SUPV3L1: variants seen among roughly 807,000 people sequenced by gnomAD.
SUPV3L1 encodes the protein ATP-dependent RNA helicase SUPV3L1, mitochondrial.
Under a neutral mutation model 70.0 loss-of-function variants are expected in SUPV3L1, and 35 were observed. That is an observed-to-expected ratio of 0.50 (90% CI 0.38 to 0.66). The LOEUF (loss-of-function observed/expected upper bound fraction) is 0.66, where lower values mean the gene tolerates loss of function less well. Ranked by LOEUF, SUPV3L1 falls within the 30% of genes least tolerant of loss-of-function variation. The pLI is 0.00. For missense variants in SUPV3L1, 777 were observed against 961.5 expected (o/e 0.81, Z 2.54); for synonymous variants, 364 against 341.9 (o/e 1.06, Z -0.71).
intron 1 of SUPV3L1, among the ~76,000 whole-genome samples, chr10:69,183,007 C>T (rs1361585858): frequency 6.6e-6 from 1 of 152,164 alleles, no homozygotes; most frequent in African/African-American, 2.4e-5. Context: ...CTCTCCTTCA[C>T]CCTGGACCTA....
At chr10:69,188,973 T>G (rs929748297) in intron 4 of SUPV3L1, among the ~76,000 whole-genome samples, 1 of 152,228 alleles carries the variant, frequency 6.6e-6, no homozygotes, top group African/African-American at 2.4e-5. Flanking sequence ...ATGGAACTGA[T>G]AGCAGCTTAA....
intron 8 of SUPV3L1, among the ~76,000 whole-genome samples, chr10:69,197,700 G>A (rs947227901): frequency 6.6e-6 from 1 of 152,048 alleles, no homozygotes; most frequent in African/African-American, 2.4e-5. Flanking sequence ...CTCCCAAATA[G>A]CTGGGACTAC....
Position 69,198,398 on chromosome 10 carries a change from C to T in SUPV3L1, c.1050C>T (p.Pro350=). ...VEVRDYKRLT[P]ISVLDHALES... ...TTCGAGACTATAAGAGGCTTACCCC[C>T]ATTTCTGTGCTGGACCATGCACTAG... Residue 350 remains proline, a synonymous_variant, in exon 9 of 15, where the codon CCC becomes CCT. Transcript: ENST00000359655. The T allele has an allele frequency of 1.9e-6, 3 of 1,612,206 alleles. No individual in the cohort carries two copies. Among genetic ancestry groups the T allele is most frequent in the Non-Finnish European group, 2.5e-6 (3 of 1,179,500 alleles).
chr10:69,195,456 C>T lies in SUPV3L1; in HGVS notation c.931+191C>T, dbSNP rs577269067. On this transcript the variant is annotated intron_variant, in intron 7 of 14. Coordinates refer to ENST00000359655, the MANE Select transcript of SUPV3L1 (RefSeq NM_003171.5). ...AATGGGAAATCTATTTTTTCCTGTG[C>T]TAAAACTAGCATAACCATGTAATTA... 8 of 406,326 alleles carry T rather than the reference C, an allele frequency of 2.0e-5. No individual in the cohort carries two copies. The South Asian group carries it at 6.2e-4, about 31-fold the overall frequency. 25.2% of individuals were successfully genotyped at this position (406,326 alleles called of 1,614,324 possible). A position where few individuals can be genotyped will look rare whatever the true frequency, so the allele number is the denominator to read the frequency against.
chr10:69,194,050 G>A (rs758457472), intron 6 of SUPV3L1, among the ~76,000 whole-genome samples: 9 of 152,148 alleles, frequency 5.9e-5, no homozygotes, highest in Non-Finnish European at 1.2e-4. Flanking sequence ...AGTAAATGAA[G>A]GGCTGTCACC....
At chr10:69,181,901 G>T (rs1842074132) in intron 1 of SUPV3L1, among the ~76,000 whole-genome samples, 1 of 151,272 alleles carries the variant, frequency 6.6e-6, no homozygotes, top group Non-Finnish European at 1.5e-5. Flanking sequence ...CAGAGAATGT[G>T]TTATTTTAAT....
chr10:69,180,380 C>T lies in SUPV3L1; in HGVS notation c.89C>T (p.Pro30Leu). 1 of 1,614,262 alleles carries T rather than the reference C, an allele frequency of 6.2e-7. No individual in the cohort carries two copies. The highest frequency in any genetic ancestry group is 8.5e-7 in the Non-Finnish European group (1 of 1,180,044). The change falls in exon 1 of 15, where the codon CCC (proline) becomes CTC (leucine). Residue 30 changes from proline to leucine, a missense_variant. By Grantham distance (98) the Pro-to-Leu change is moderately conservative. This residue lies in a region of SUPV3L1 where 158 missense variants were observed against 138.3 expected (regional missense o/e 1.14). Transcript: ENST00000359655. ...HRAAICSALR[P>L]HFGPFPGVLG... The stretch of plus-strand genomic sequence containing the variant: ...GCAGCCATCTGCTCTGCCCTTCGTC[C>T]CCACTTTGGGCCCTTTCCCGGGGTT...
intron 13 of SUPV3L1, among the ~76,000 whole-genome samples, chr10:69,203,505 A>C (rs1842738380): frequency 6.6e-6 from 1 of 151,816 alleles, no homozygotes; most frequent in Admixed American, 6.6e-5. Context: ...CTCTACTAAA[A>C]ATACAAAAAT....
In SUPV3L1 at chr10:69,195,216, A is replaced by G. The variant is rs1842511268; in HGVS notation, c.882A>G (p.Gln294=). The part of the protein sequence containing the change: ...PYEVAVIDEI[Q]MIRDPARGWA... ...AAGTGGCTGTAATTGATGAAATTCA[A>G]ATGATTAGAGATCCAGCCAGAGGAT... The change falls in exon 7 of 15, where the codon CAA becomes CAG. Residue 294 remains glutamine, a synonymous_variant. Transcript: ENST00000359655. 1.2e-6 allele frequency: 2 copies of G among 1,613,230 alleles called. No individual in the cohort carries two copies. Among genetic ancestry groups the G allele is most frequent in the African/African-American group, 1.3e-5 (1 of 74,890 alleles).
At position 69,186,329 on chromosome 10, in the gene SUPV3L1, A is replaced by AG; in HGVS notation, c.350-114_350-113insG. 5 of 622,400 alleles carry AG rather than the reference A, an allele frequency of 8.0e-6. No homozygotes were observed. The African/African-American group carries it at 1.0e-4, about 13-fold the overall frequency. The allele number at this position is 622,400 out of a possible 1,614,324, so 38.6% of individuals were successfully genotyped here. ...ATAATAAACCAGCTGTACTGCCAAA[A>AG]AAAAAAAAAAAAAAAGAAAAAAAAA... On this transcript the variant is annotated intron_variant, in intron 2 of 14. Coordinates refer to ENST00000359655, the MANE Select transcript of SUPV3L1 (RefSeq NM_003171.5).
intron 5 of SUPV3L1, among the ~76,000 whole-genome samples, chr10:69,190,107 T>C (rs1842353620): frequency 6.6e-6 from 1 of 152,228 alleles, no homozygotes; most frequent in South Asian, 2.1e-4. Flanking sequence ...CACCTCATCA[T>C]ATCTTTACAT....
At chr10:69,191,342 C>T (rs1465579849) in intron 5 of SUPV3L1, among the ~76,000 whole-genome samples, 1 of 150,866 alleles carries the variant, frequency 6.6e-6, no homozygotes, top group African/African-American at 2.4e-5. Context: ...GATTCCCCTG[C>T]CTCAGCCTCC....
Position 69,194,076 on chromosome 10 carries a change from T to C in SUPV3L1, c.854-1112T>C, listed in dbSNP as rs568424595. Reference sequence around the variant, plus strand: ...GGCTGTCACCTCCTTGTTCTGGAACTTGCCTTCTTCTTTTACTTCTGTCCA... The same window carrying C: ...GGCTGTCACCTCCTTGTTCTGGAACCTGCCTTCTTCTTTTACTTCTGTCCA... On this transcript the variant is annotated intron_variant, in intron 6 of 14. Coordinates refer to ENST00000359655, the MANE Select transcript of SUPV3L1 (RefSeq NM_003171.5). 2.0e-5 allele frequency among the ~76,000 whole-genome samples: 3 copies of C among 152,314 alleles called. No individual in the cohort carries two copies. In the South Asian group the frequency reaches 6.2e-4, roughly 32 times the overall value.
intron 5 of SUPV3L1, 97 bp downstream of exon 5, chr10:69,189,532 A>G (rs1257934511): frequency 8.0e-7 from 1 of 1,256,772 alleles, no homozygotes; most frequent in African/African-American, 1.5e-5. Context: ...GTTAACAAGA[A>G]ATTACCATAT....
chr10:69,190,898 A>C (rs533878664), intron 5 of SUPV3L1, among the ~76,000 whole-genome samples: 9 of 152,374 alleles, frequency 5.9e-5, no homozygotes, highest in African/African-American at 1.4e-4. Flanking sequence ...AGAGTCCTCC[A>C]TTCTGGGGAA....
intron 5 of SUPV3L1, among the ~76,000 whole-genome samples, chr10:69,190,994 T>C (rs1284365954): frequency 8.0e-5 from 9 of 112,370 alleles, no homozygotes; most frequent in Non-Finnish European, 1.6e-4. Flanking sequence ...TAATAGGAGG[T>C]CTTTACATTC....
rs1262849504 is a variant in SUPV3L1 at position 69,200,386 on chromosome 10, G to T, written c.1405G>T (p.Gly469Cys). 1.2e-6 allele frequency: 2 copies of T among 1,614,002 alleles called. No homozygotes were observed. The highest frequency in any genetic ancestry group is 1.7e-6 in the Non-Finnish European group (2 of 1,180,022). ...ITTSQALQIAGRAGRFSSRFK... is the reference protein window; with the variant it reads ...ITTSQALQIACRAGRFSSRFK... ...AACCTCTCAAGCCCTGCAGATTGCT[G>T]GCAGAGCTGGCAGATTCAGCTCACG... is the stretch of plus-strand genomic sequence containing the variant. The change falls in exon 11 of 15, where the codon GGC becomes TGC. Residue 469 changes from glycine (G) to cysteine (C), a missense_variant. Physicochemically the swap from Gly to Cys is radical, Grantham distance 159. Transcript: ENST00000359655.
Position 69,207,905 on chromosome 10 carries a change from C to T in SUPV3L1, c.1889C>T (p.Ala630Val). 3 of 1,614,188 alleles carry T rather than the reference C, an allele frequency of 1.9e-6. No individual in the cohort carries two copies. The highest frequency in any genetic ancestry group is 2.5e-6 in the Non-Finnish European group (3 of 1,180,032). Reference sequence around the variant, plus strand: ...ATTAAAGACCTCATGGATCTTGAAGCTGTCCACGATGTCTTGGATCTTTAC... The same window carrying T: ...ATTAAAGACCTCATGGATCTTGAAGTTGTCCACGATGTCTTGGATCTTTAC... ...KNIKDLMDLEAVHDVLDLYLW... is the reference protein window; with the variant it reads ...KNIKDLMDLEVVHDVLDLYLW... The change falls in exon 14 of 15, where the codon GCT (alanine) becomes GTT (valine). Residue 630 changes from alanine to valine, a missense_variant. Physicochemically the swap from Ala to Val is moderately conservative, Grantham distance 64. Coordinates refer to ENST00000359655, the MANE Select transcript of SUPV3L1 (RefSeq NM_003171.5).
chr10:69,192,665 T>C (rs773521016), intron 6 of SUPV3L1: 5 of 152,244 alleles, frequency 3.3e-5, no homozygotes, highest in Non-Finnish European at 7.3e-5. Context: ...TTAAAGTTTT[T>C]TCCTGTTATG....
Sources: gnomAD v4.1 joint callset for allele counts (sites outside exome capture counted in the v4.1 genomes callset) on GRCh38, gnomAD v4.1.1 for gene constraint, gnomAD v4.1.1 regional missense constraint, MANE v1.5 for transcripts, NCBI Gene and HGNC (gene_info 2026-07-23, HGNC 2026-07-21) for gene names.